ZNF385D: variants seen among roughly 807,000 people sequenced by gnomAD.
ZNF385D encodes zinc finger protein 385D.
ZNF385D carries 15 observed loss-of-function variants against 35.8 expected under a neutral mutation model. The ratio of observed to expected loss-of-function variants is 0.42; its 90% CI spans 0.28 to 0.64. The LOEUF (loss-of-function observed/expected upper bound fraction) is 0.64. Ranked by LOEUF, ZNF385D falls within the 30% of genes least tolerant of loss-of-function variation. ZNF385D has a pLI of 0.23. For missense variants in ZNF385D, 474 were observed against 494.6 expected (o/e 0.96, Z 0.39); for synonymous variants, 212 against 186.8 (o/e 1.13, Z -1.10).
chr3:21,654,441 C>T (rs751008678), intron 2 of ZNF385D, among the ~76,000 whole-genome samples: 2 of 151,998 alleles, frequency 1.3e-5, no homozygotes, highest in Non-Finnish European at 2.9e-5. Flanking sequence ...AGAGAAATTA[C>T]GTAGCGCTAA....
chr3:21,727,661 A>T (rs113160772), intron 1 of ZNF385D, among the ~76,000 whole-genome samples: 2 of 152,100 alleles, frequency 1.3e-5, no homozygotes, highest in Non-Finnish European at 2.9e-5. Flanking sequence ...AAAAGTCAGG[A>T]AACAACAGAT....
At chr3:22,213,657 A>C (rs1163770817) in intron 2 of ZNF385D, among the ~76,000 whole-genome samples, 2 of 152,016 alleles carry the variant, frequency 1.3e-5, no homozygotes, top group African/African-American at 4.8e-5. Flanking sequence ...TCCTCATGTC[A>C]GTGATGTTGG....
chr3:21,964,433 GAAA>G (rs10558356), intron 3 of ZNF385D, among the ~76,000 whole-genome samples: 2 of 94,472 alleles, frequency 2.1e-5, no homozygotes, highest in African/African-American at 7.5e-5. Context: ...AAAAAAAAAA[GAAA>G]AAAAAAAAAA....
intron 2 of ZNF385D, among the ~76,000 whole-genome samples, chr3:22,222,673 T>A (rs1447372016): frequency 6.6e-6 from 1 of 152,144 alleles, no homozygotes; most frequent in Admixed American, 6.6e-5. Context: ...GGAATAACAA[T>A]AATCCACCTT....
chr3:21,736,211 G>C (rs923431757), intron 1 of ZNF385D, among the ~76,000 whole-genome samples: 1 of 152,160 alleles, frequency 6.6e-6, no homozygotes, highest in Non-Finnish European at 1.5e-5. Context: ...GTGCATGTTT[G>C]TAAACAGCTC....
intron 1 of ZNF385D, among the ~76,000 whole-genome samples, chr3:21,683,801 G>A (rs900248365): frequency 6.7e-6 from 1 of 150,026 alleles, no homozygotes; most frequent in South Asian, 2.1e-4. Context: ...GCCCCAGGGT[G>A]ACAGCAAGGA....
intron 2 of ZNF385D, among the ~76,000 whole-genome samples, chr3:22,277,273 A>G (rs1275869931): frequency 6.6e-6 from 1 of 152,132 alleles, no homozygotes; most frequent in East Asian, 1.9e-4. Context: ...TGAATATTCA[A>G]CAAATGGTTG....
intron 1 of ZNF385D, among the ~76,000 whole-genome samples, chr3:21,738,135 G>C (rs985382342): frequency 6.6e-6 from 1 of 152,326 alleles, no homozygotes; most frequent in East Asian, 1.9e-4. Context: ...TACACTGAGA[G>C]GAGTTTTGTT....
intron 2 of ZNF385D, among the ~76,000 whole-genome samples, chr3:22,354,129 A>T (rs1251126076): frequency 6.6e-6 from 1 of 152,102 alleles, no homozygotes; most frequent in Non-Finnish European, 1.5e-5. Context: ...AAAGAGAAAC[A>T]TAGTTATACT....
In ZNF385D at chr3:21,976,767, C is replaced by G. The variant is rs571757904; in HGVS notation, c.325+192050G>C. Among the ~76,000 whole-genome samples the G allele has an allele frequency of 3.9e-5, 6 of 152,248 alleles. No homozygotes were observed. The South Asian group carries it at 1.0e-3, about 26-fold the overall frequency. On this transcript the variant is annotated intron_variant, in intron 3 of 5. Transcript: ENST00000494108. ...CAGCACTTTGGGAAGCCAAGGCATG[C>G]AGATCATGAGGTCAGGAGTTCGAGA...
chr3:22,153,226 T>C (rs558053699), intron 3 of ZNF385D, among the ~76,000 whole-genome samples: 2 of 152,260 alleles, frequency 1.3e-5, no homozygotes, highest in South Asian at 2.1e-4. Context: ...TGTCTGCTGA[T>C]GGTGCCCCAC....
chr3:21,622,586 A>G (rs573908498), intron 2 of ZNF385D, among the ~76,000 whole-genome samples: 1 of 152,142 alleles, frequency 6.6e-6, no homozygotes, highest in South Asian at 2.1e-4. Flanking sequence ...AGGTTCTGAG[A>G]TGTTAAAGGC....
At chr3:21,577,184 A>G (rs537870371) in intron 2 of ZNF385D, among the ~76,000 whole-genome samples, 1 of 152,290 alleles carries the variant, frequency 6.6e-6, no homozygotes, top group East Asian at 1.9e-4. Context: ...TGCTGCCTCT[A>G]GTTATCACTA....
chr3:21,832,473 T>C (rs569521177), intron 3 of ZNF385D, among the ~76,000 whole-genome samples: 26 of 152,194 alleles, frequency 1.7e-4, no homozygotes, highest in Middle Eastern at 3.2e-3. Flanking sequence ...TACATTCTCA[T>C]GGATCAGCAA....
At chr3:22,312,378 CAT>C (rs1444797786) in intron 2 of ZNF385D, among the ~76,000 whole-genome samples, 1 of 152,102 alleles carries the variant, frequency 6.6e-6, no homozygotes, top group Admixed American at 6.6e-5. Flanking sequence ...TCCGAAACCC[CAT>C]AGTCTCACTA....
At chr3:21,702,630 G>C (rs140234660) in intron 1 of ZNF385D, among the ~76,000 whole-genome samples, 9 of 152,140 alleles carry the variant, frequency 5.9e-5, no homozygotes, top group African/African-American at 2.2e-4. Context: ...CAAATTTTCT[G>C]AACTTTTATG....
chr3:22,073,824 GGTTA>G (rs1185461769), intron 3 of ZNF385D, among the ~76,000 whole-genome samples: 1 of 151,844 alleles, frequency 6.6e-6, no homozygotes, highest in Non-Finnish European at 1.5e-5. Context: ...TACAGAAAGA[GGTTA>G]TTTATTTATA....
intron 2 of ZNF385D, among the ~76,000 whole-genome samples, chr3:22,330,697 A>G (rs1170382380): frequency 6.6e-6 from 1 of 152,192 alleles, no homozygotes; most frequent in African/African-American, 2.4e-5. Flanking sequence ...CATGTTCCAC[A>G]CAAGCAGGGA....
intron 3 of ZNF385D, among the ~76,000 whole-genome samples, chr3:21,881,329 T>C (rs1033559048): frequency 2.6e-5 from 4 of 152,018 alleles, no homozygotes; most frequent in Non-Finnish European, 4.4e-5. Context: ...TTGAAGCCAG[T>C]GCTCATTGAC....
Sources: gnomAD v4.1 joint callset for allele counts (sites outside exome capture counted in the v4.1 genomes callset) on GRCh38, gnomAD v4.1.1 for gene constraint, MANE v1.5 for transcripts, NCBI Gene and HGNC (gene_info 2026-07-23, HGNC 2026-07-21) for gene names.